The following CNOT1 variants were observed in gnomAD, a reference collection of about 807,000 sequenced individuals.
The protein encoded by CNOT1 is CCR4-NOT transcription complex subunit 1.
Under a neutral mutation model 273.8 loss-of-function variants are expected in CNOT1, and 15 were observed. The ratio of observed to expected loss-of-function variants is 0.05; its 90% confidence interval spans 0.04 to 0.08. The LOEUF (loss-of-function observed/expected upper bound fraction) is 0.08. Among genes scored for constraint, CNOT1 ranks in the 10% least tolerant of loss-of-function variants. CNOT1 has a pLI of 1.00. For missense variants in CNOT1, 1,644 were observed against 2,912.2 expected (o/e 0.56, Z 10.02); for synonymous variants, 1,022 against 1,005.5 (o/e 1.02, Z -0.31).
intron 16 of CNOT1, among the ~76,000 whole-genome samples, chr16:58,561,640 T>C (rs2040844645): frequency 6.6e-6 from 1 of 152,152 alleles, no homozygotes; most frequent in Non-Finnish European, 1.5e-5. Context: ...AGAATCTGAA[T>C]ACCAAACGCT....
chr16:58,606,381 C>CAAAA (rs2042675331), intron 1 of CNOT1, among the ~76,000 whole-genome samples: 2 of 85,994 alleles, frequency 2.3e-5, no homozygotes, highest in African/African-American at 1.1e-4. Flanking sequence ...ACAGTGAGAC[C>CAAAA]CCGTCCCTTA....
At chr16:58,522,005 C>G (rs2039397480) in intron 47 of CNOT1, among the ~76,000 whole-genome samples, 1 of 151,522 alleles carries the variant, frequency 6.6e-6, no homozygotes, top group Non-Finnish European at 1.5e-5. Context: ...AAAAAGGAAA[C>G]AGAAAATAAG....
rs1444509008 is a variant in CNOT1, at chr16:58,539,066, T to C, written c.4993-152A>G. 7.6e-6 allele frequency: 9 copies of C among 1,187,196 alleles called. No individual in the cohort carries two copies. In the African/African-American group the frequency reaches 7.7e-5, roughly 10 times the overall value. 73.5% of individuals were successfully genotyped at this position (1,187,196 alleles called of 1,614,324 possible). ...TCCAAACATCCCTTTCAGTTGCCTA[T>C]CACACACACTCTAAATTCTATCTGA... On this transcript the variant is annotated intron_variant, in intron 35 of 48. Transcript: ENST00000317147.
chr16:58,617,211 G>A (rs911410967), intron 1 of CNOT1, among the ~76,000 whole-genome samples: 1 of 151,926 alleles, frequency 6.6e-6, no homozygotes, highest in Non-Finnish European at 1.5e-5. Context: ...ACATAAACAA[G>A]CAAGCAGGGC....
chr16:58,597,173 G>A (rs975834107), intron 2 of CNOT1, among the ~76,000 whole-genome samples: 5 of 151,784 alleles, frequency 3.3e-5, no homozygotes, highest in African/African-American at 1.2e-4. Context: ...AGATCAGCCA[G>A]GCGTGATGGC....
At chr16:58,553,964 C>T (rs2040540581) in intron 21 of CNOT1, 104 bp from the exon 22 acceptor site, 2 of 1,365,152 alleles carry the variant, frequency 1.5e-6, no homozygotes, top group Non-Finnish European at 1.9e-6. Flanking sequence ...TTCCATCTTA[C>T]CTATGAATAA....
chr16:58,628,024 T>C (rs946997639), intron 1 of CNOT1, among the ~76,000 whole-genome samples: 1 of 152,086 alleles, frequency 6.6e-6, no homozygotes, highest in Non-Finnish European at 1.5e-5. Context: ...GACGCGGTTG[T>C]GACATGTTGG....
rs1188502577 is a variant in CNOT1, at chr16:58,530,493, G to T, written c.6178-146C>A. The T allele has an allele frequency of 7.7e-6, 4 of 516,354 alleles. No individual in the cohort carries two copies. The East Asian group carries it at 1.3e-4, about 16-fold the overall frequency. 32.0% of individuals were successfully genotyped at this position (516,354 alleles called of 1,614,324 possible). ...TGTTAAGTACTTTTACAAAAGATCG[G>T]CATTAAAGGCCAGGCACGGTGGCTG... is the stretch of plus-strand genomic sequence containing the variant. On this transcript the variant is annotated intron_variant, in intron 42 of 48. Coordinates refer to ENST00000317147, the MANE Select transcript of CNOT1 (RefSeq NM_016284.5).
At chr16:58,560,060 G>A in intron 17 of CNOT1, 152 bp downstream of exon 17, 1 of 1,500,666 alleles carries the variant, frequency 6.7e-7, no homozygotes, top group Non-Finnish European at 8.9e-7. Flanking sequence ...TAACTACAAT[G>A]CCTATTTACA....
chr16:58,531,459 A>C (rs987965113), intron 42 of CNOT1, among the ~76,000 whole-genome samples: 1 of 152,204 alleles, frequency 6.6e-6, no homozygotes, highest in Non-Finnish European at 1.5e-5. Flanking sequence ...AAAATAACAT[A>C]GCCAGTAGTC....
chr16:58,622,952 C>T lies in CNOT1; in HGVS notation c.-175+6776G>A, dbSNP rs184804918. Among the ~76,000 whole-genome samples the T allele has an allele frequency of 5.9e-5, 9 of 152,016 alleles. No homozygotes were observed. The East Asian group carries it at 1.7e-3, about 29-fold the overall frequency. On this transcript the variant is annotated intron_variant, in intron 1 of 48. Coordinates refer to ENST00000317147, the MANE Select transcript of CNOT1 (RefSeq NM_016284.5). ...GTGGCTCACGCCTGAAATCCCAGCACTTAGGGAGGCCAAGGCAGGCAGATC... is the reference window on the plus strand; with the variant it reads ...GTGGCTCACGCCTGAAATCCCAGCATTTAGGGAGGCCAAGGCAGGCAGATC...
chr16:58,619,851 T>G (rs1385593337), intron 1 of CNOT1, among the ~76,000 whole-genome samples: 1 of 152,096 alleles, frequency 6.6e-6, no homozygotes, highest in Non-Finnish European at 1.5e-5. Context: ...AAATAAAAGG[T>G]TGGGGGTAAA....
chr16:58,547,534 T>C lies in CNOT1; in HGVS notation c.3639+32A>G, dbSNP rs776065872. ...CTTGTAATCATAATGTGCTGAAGAT[T>C]CTCAATTTTTACACATTTAGATGAA... On this transcript the variant is annotated intron_variant, in intron 26 of 48. Coordinates refer to ENST00000317147, the MANE Select transcript of CNOT1 (RefSeq NM_016284.5). This position sits in a 1 kb window ranked among gnomAD's most constrained non-coding sequence, Gnocchi z 4.0. 9 of 1,587,752 alleles carry C rather than the reference T, an allele frequency of 5.7e-6. No individual in the cohort carries two copies. The highest frequency in any genetic ancestry group is 6.9e-6 in the Non-Finnish European group (8 of 1,165,058).
intron 40 of CNOT1, 122 bp downstream of exon 40, chr16:58,534,025 C>T: frequency 8.7e-7 from 1 of 1,153,204 alleles, no homozygotes. Flanking sequence ...CGGAGGCACT[C>T]CAGCCTGGGT....
chr16:58,611,880 CTTT>C (rs2042914463), intron 1 of CNOT1, among the ~76,000 whole-genome samples: 1 of 151,948 alleles, frequency 6.6e-6, no homozygotes, highest in African/African-American at 2.4e-5. Flanking sequence ...GCAATCTCTT[CTTT>C]GAGGACAAGG....
At chr16:58,611,052 A>T (rs922352740) in intron 1 of CNOT1, among the ~76,000 whole-genome samples, 9 of 152,134 alleles carry the variant, frequency 5.9e-5, no homozygotes, top group African/African-American at 9.6e-5. Context: ...AAATAAATTT[A>T]AAAAATGCTG....
intron 1 of CNOT1, among the ~76,000 whole-genome samples, chr16:58,621,838 G>GT: frequency 6.8e-6 from 1 of 146,924 alleles, no homozygotes; most frequent in Admixed American, 6.8e-5. Context: ...ATGAACCCGG[G>GT]AGGCGGAGCT....
intron 11 of CNOT1, 130 bp from the exon 12 acceptor site, chr16:58,580,890 T>C: frequency 1.1e-6 from 1 of 942,106 alleles, no homozygotes. Context: ...ATCTTAATTA[T>C]TTGCCCTTTG....
intron 13 of CNOT1, 146 bp downstream of exon 13, chr16:58,578,553 T>C (rs2041547384): frequency 3.0e-6 from 4 of 1,349,030 alleles, no homozygotes; most frequent in African/African-American, 2.9e-5. Context: ...TTCTAAAAGA[T>C]AAAACAAGTT....
Sources: gnomAD v4.1 joint callset for allele counts (sites outside exome capture counted in the v4.1 genomes callset) on GRCh38, gnomAD v4.1.1 for gene constraint, Gnocchi (gnomAD v3.1) non-coding constraint, MANE v1.5 for transcripts, NCBI Gene and HGNC (gene_info 2026-07-23, HGNC 2026-07-21) for gene names.